The following NKD1 variants were observed in gnomAD, a reference collection of about 807,000 sequenced individuals.
The protein encoded by NKD1 is protein naked cuticle homolog 1.
In NKD1, 21 loss-of-function variants were observed where a neutral mutation model predicts 56.0. The ratio of observed to expected loss-of-function variants is 0.38; its 90% confidence interval spans 0.27 to 0.54. NKD1 has a LOEUF of 0.54. NKD1 is among the 20% of genes least tolerant of loss of function. The probability of loss-of-function intolerance (pLI) is 0.82; values close to 1 mark genes in which losing one functional copy is unlikely to be tolerated. For synonymous variants in NKD1, 263 were observed against 265.7 expected, an observed-to-expected ratio of 0.99 and a Z score of 0.10; for missense variants, 578 against 642.7, an observed-to-expected ratio of 0.90 and a Z score of 1.09.
chr16:50,612,884 T>C (rs2357621), intron 4 of NKD1, among the ~76,000 whole-genome samples: 1 of 151,992 alleles, frequency 6.6e-6, no homozygotes, highest in African/African-American at 2.4e-5. Context: ...TTTAAGAAGT[T>C]AATTCTGGCT....
At chr16:50,631,005 T>TCTG in intron 8 of NKD1, 95 bp downstream of exon 8, 1 of 943,256 alleles carries the variant, frequency 1.1e-6, no homozygotes, top group Non-Finnish European at 1.6e-6. Context: ...CTGGTCTGTG[T>TCTG]TCTCTTCAGG....
chr16:50,550,375 T>C (rs1441283894), intron 3 of NKD1, among the ~76,000 whole-genome samples: 3 of 151,466 alleles, frequency 2.0e-5, no homozygotes, highest in Non-Finnish European at 4.4e-5. Flanking sequence ...TTTTTTTAAC[T>C]TAGAGGGGGA....
intron 3 of NKD1, among the ~76,000 whole-genome samples, chr16:50,561,537 T>A (rs1960634098): frequency 6.6e-6 from 1 of 152,178 alleles, no homozygotes; most frequent in Admixed American, 6.5e-5. Context: ...AGCAAGGGTC[T>A]GACTGCAGCA....
At chr16:50,569,242 G>A (rs548008496) in intron 3 of NKD1, among the ~76,000 whole-genome samples, 3 of 152,356 alleles carry the variant, frequency 2.0e-5, no homozygotes, top group Admixed American at 2.0e-4. Flanking sequence ...CATGCGCTGT[G>A]CACCAGCTTC....
rs74017743 is a variant in NKD1 at position 50,607,362 on chromosome 16, A to G, written c.193-932A>G. 5.9e-3 allele frequency: 991 copies of G among 168,636 alleles called. 7 individuals carry two copies. The highest frequency in any genetic ancestry group is 0.022 in the African/African-American group (937 of 41,772). The allele number at this position is 168,636 out of a possible 1,614,324, so 10.4% of individuals were successfully genotyped here. A position where few individuals can be genotyped will look rare whatever the true frequency, so the allele number is the denominator to read the frequency against. ...TGAGGTGTAGAATTTTTTTTCCCCT[A>G]AGGAGAGGGTTGGGTTTTGTTTTTG... On this transcript the variant is annotated intron_variant, in intron 3 of 9. Transcript: ENST00000268459.
At chr16:50,572,662 G>T (rs186721618) in intron 3 of NKD1, among the ~76,000 whole-genome samples, 244 of 152,248 alleles carry the variant, frequency 1.6e-3, no homozygotes, top group African/African-American at 5.6e-3. Context: ...GGGAATCAGA[G>T]AAATCCTCTC....
At chr16:50,599,417 A>G (rs1194416808) in intron 3 of NKD1, among the ~76,000 whole-genome samples, 2 of 152,172 alleles carry the variant, frequency 1.3e-5, no homozygotes, top group Non-Finnish European at 2.9e-5. Context: ...TAAAAGCAGA[A>G]GAACCAAGGC....
chr16:50,611,334 T>C (rs1486007907), intron 4 of NKD1, among the ~76,000 whole-genome samples: 1 of 132,932 alleles, frequency 7.5e-6, no homozygotes, highest in Non-Finnish European at 1.5e-5. Flanking sequence ...TTTCTATTTC[T>C]CCACTCTCCG....
At position 50,647,638 on chromosome 16, in the gene NKD1, A is replaced by C. The variant is rs1962705647; in HGVS notation, c.*13857A>C. 6.6e-6 allele frequency: 1 copy of C among 152,242 alleles called. No individual in the cohort carries two copies. The highest frequency in any genetic ancestry group is 6.5e-5 in the Admixed American group (1 of 15,282). 9.4% of individuals were successfully genotyped at this position (152,242 alleles called of 1,614,324 possible). A position where few individuals can be genotyped will look rare whatever the true frequency, so the allele number is the denominator to read the frequency against. ...GCACAGGGAGGGAGCTGAGGTATTT[A>C]CCCACCCATCCTTGTCAGTCATTGG... On this transcript the variant is annotated 3_prime_UTR_variant, in exon 10 of 10. Transcript: ENST00000268459.
intron 4 of NKD1, among the ~76,000 whole-genome samples, chr16:50,612,563 G>C (rs539584886): frequency 1.3e-5 from 2 of 152,338 alleles, no homozygotes; most frequent in South Asian, 4.1e-4. Flanking sequence ...GAAGTTTCTA[G>C]TAGTGGTTCT....
Position 50,648,254 on chromosome 16 carries a change from C to T in NKD1, c.*14473C>T, listed in dbSNP as rs944715332. The T allele has an allele frequency of 1.3e-5, 2 of 152,842 alleles. No homozygotes were observed. The highest frequency in any genetic ancestry group is 2.1e-4 in the South Asian group (1 of 4,832). The allele number at this position is 152,842 out of a possible 1,614,324, so 9.5% of individuals were successfully genotyped here. A position where few individuals can be genotyped will look rare whatever the true frequency, so the allele number is the denominator to read the frequency against. On this transcript the variant is annotated 3_prime_UTR_variant, in exon 10 of 10. Transcript: ENST00000268459. Reference sequence around the variant, plus strand: ...TTCTCACAGTCAGTCCCTCTTGGCTCTTCCTAGAGTCCCTTTCATTCCCTC... The same window carrying T: ...TTCTCACAGTCAGTCCCTCTTGGCTTTTCCTAGAGTCCCTTTCATTCCCTC...
At chr16:50,627,287 A>G (rs1962242726) in intron 6 of NKD1, among the ~76,000 whole-genome samples, 1 of 152,122 alleles carries the variant, frequency 6.6e-6, no homozygotes, top group Admixed American at 6.5e-5. Flanking sequence ...TATTTCCTCT[A>G]TTCCTCAGCT....
chr16:50,622,378 C>T (rs759561931), intron 5 of NKD1, among the ~76,000 whole-genome samples: 8 of 151,072 alleles, frequency 5.3e-5, no homozygotes, highest in Non-Finnish European at 8.9e-5. Flanking sequence ...TGTTCCCCAC[C>T]GCCTGATAGT....
chr16:50,568,570 G>C (rs1471268496), intron 3 of NKD1, among the ~76,000 whole-genome samples: 1 of 152,084 alleles, frequency 6.6e-6, no homozygotes, highest in Non-Finnish European at 1.5e-5. Context: ...GAGAGAGGGG[G>C]GTCTTCCTTC....
Position 50,634,899 on chromosome 16 carries a change from A to G in NKD1, c.*1118A>G, listed in dbSNP as rs1403122143. 1 of 152,226 alleles carries G rather than the reference A, an allele frequency of 6.6e-6. No homozygotes were observed. The highest frequency in any genetic ancestry group is 1.9e-4 in the East Asian group (1 of 5,316). The allele number at this position is 152,226 out of a possible 1,614,324, so 9.4% of individuals were successfully genotyped here. ...TGGAGAGAACTGCTGGGGTACAGAA[A>G]CTTGGTGGGAAAAGGGGACTGTGGC... On this transcript the variant is annotated 3_prime_UTR_variant, in exon 10 of 10. Coordinates refer to ENST00000268459, the MANE Select transcript of NKD1 (RefSeq NM_033119.5).
At chr16:50,578,626 T>G (rs914837150) in intron 3 of NKD1, among the ~76,000 whole-genome samples, 7 of 152,206 alleles carry the variant, frequency 4.6e-5, no homozygotes, top group African/African-American at 1.7e-4. Context: ...ATACCCACAC[T>G]GTGTACATTT....
intron 3 of NKD1, among the ~76,000 whole-genome samples, chr16:50,550,678 C>G (rs1039257707): frequency 2.4e-4 from 37 of 152,136 alleles, no homozygotes; most frequent in African/African-American, 8.9e-4. Flanking sequence ...TAGTAAAGGT[C>G]AAATCTTGGT....
chr16:50,603,506 A>T (rs1961643484), intron 3 of NKD1, among the ~76,000 whole-genome samples: 1 of 152,154 alleles, frequency 6.6e-6, no homozygotes, highest in African/African-American at 2.4e-5. Flanking sequence ...GCACATCCCA[A>T]CCCTGTACAT....
Position 50,636,512 on chromosome 16 carries a change from A to C in NKD1, c.*2731A>C, listed in dbSNP as rs1467984326. The C allele has an allele frequency of 6.6e-6, 1 of 152,238 alleles. No homozygotes were observed. The highest frequency in any genetic ancestry group is 2.4e-5 in the African/African-American group (1 of 41,470). The allele number at this position is 152,238 out of a possible 1,614,324, so 9.4% of individuals were successfully genotyped here. A position where few individuals can be genotyped will look rare whatever the true frequency, so the allele number is the denominator to read the frequency against. On this transcript the variant is annotated 3_prime_UTR_variant, in exon 10 of 10. Transcript: ENST00000268459. Reference sequence around the variant, plus strand: ...GATGCCGACTTTCTGGGTGTGGCCTAGGGCCCCTCAGTGTAATGTAGGGGT... The same window carrying C: ...GATGCCGACTTTCTGGGTGTGGCCTCGGGCCCCTCAGTGTAATGTAGGGGT...
Sources: allele counts gnomAD v4.1 joint callset (sites outside exome capture counted in the v4.1 genomes callset), GRCh38; gene constraint gnomAD v4.1.1; transcripts MANE v1.5; gene names NCBI Gene and HGNC (gene_info 2026-07-23, HGNC 2026-07-21).